Variants in TMX3 observed in about 807,000 individuals in gnomAD.
TMX3 encodes protein disulfide-isomerase TMX3.
In TMX3, 40 loss-of-function variants were observed where a neutral mutation model predicts 64.4. The observed-to-expected ratio is 0.62, with a 90% CI of 0.48 to 0.81. The LOEUF is 0.81. Ranked by LOEUF, TMX3 falls within the 30% of genes least tolerant of loss-of-function variation. TMX3 has a pLI of 0.00. For missense variants in TMX3, 497 were observed against 534.5 expected, an observed-to-expected ratio of 0.93 and a Z score of 0.69; for synonymous variants, 189 against 175.7, an observed-to-expected ratio of 1.08 and a Z score of -0.60.
At position 68,714,964 on chromosome 18, in the gene TMX3, A is replaced by C. The variant is rs199638611; in HGVS notation, c.18T>G (p.Ser6Arg). MAAWK[S>R]WTALRLCATV... ...TGGCGCAGAGCCGCAGGGCCGTCCA[A>C]CTCTTCCACGCTGCCATGCTAGCCC... is the stretch of plus-strand genomic sequence containing the variant. Residue 6 changes from serine (S) to arginine (R), a missense_variant, in exon 1 of 16, where the codon AGT (serine) becomes AGG (arginine). This residue lies in a region of TMX3 where 360 missense variants were observed against 383.5 expected (regional missense o/e 0.94). Coordinates refer to ENST00000299608, the MANE Select transcript of TMX3 (RefSeq NM_019022.5). The C allele has an allele frequency of 4.6e-5, 72 of 1,574,130 alleles. No homozygotes were observed. In the African/African-American group the frequency reaches 8.8e-4, roughly 19 times the overall value.
chr18:68,696,467 C>G (rs1224341359), intron 8 of TMX3, among the ~76,000 whole-genome samples: 1 of 147,792 alleles, frequency 6.8e-6, no homozygotes, highest in Non-Finnish European at 1.5e-5. Context: ...CCACTGGGCC[C>G]GGCCTTAATT....
rs554182741 is a variant in TMX3 at position 68,687,800 on chromosome 18, T to C, written c.638-35A>G. 8 of 1,517,574 alleles carry C rather than the reference T, an allele frequency of 5.3e-6. No individual in the cohort carries two copies. The African/African-American group carries it at 8.4e-5, about 16-fold the overall frequency. The allele number at this position is 1,517,574 out of a possible 1,614,324, so 94.0% of individuals were successfully genotyped here. A position where few individuals can be genotyped will look rare whatever the true frequency, so the allele number is the denominator to read the frequency against. On this transcript the variant is annotated intron_variant, in intron 9 of 15. Transcript: ENST00000299608. Reference sequence around the variant, plus strand: ...AAGACAAAGTTGACAAATTACAGTATAAATATGAATTTAAGAGTTATAATA... The same window carrying C: ...AAGACAAAGTTGACAAATTACAGTACAAATATGAATTTAAGAGTTATAATA...
chr18:68,712,299 G>A (rs560934073), intron 2 of TMX3, among the ~76,000 whole-genome samples: 3 of 152,150 alleles, frequency 2.0e-5, no homozygotes, highest in Non-Finnish European at 4.4e-5. Flanking sequence ...TGGCCCACTG[G>A]CTTTATGAAC....
In TMX3 at chr18:68,698,019, C is replaced by G. The variant is rs1182412972; in HGVS notation, c.405G>C (p.Arg135=). Residue 135 remains arginine, a synonymous_variant, in exon 7 of 16, where the codon CGG becomes CGC. Coordinates refer to ENST00000299608, the MANE Select transcript of TMX3 (RefSeq NM_019022.5). ...FAHRVSGALI[R]PLPSQQMFEH... ...CAAACATTTGTTGACTTGGAAGTGG[C>G]CGAATTAGAGCCCTGTTGCACAACA... 1 of 1,609,996 alleles carries G rather than the reference C, an allele frequency of 6.2e-7. No individual in the cohort carries two copies. The highest frequency in any genetic ancestry group is 8.5e-7 in the Non-Finnish European group (1 of 1,178,954).
Position 68,713,857 on chromosome 18 carries a change from ATCT to A in TMX3, c.87_89del (p.Glu29del), listed in dbSNP as rs2031586601. The A allele has an allele frequency of 2.6e-6, 4 of 1,560,078 alleles. No individual in the cohort carries two copies. The highest frequency in any genetic ancestry group is 1.7e-4 in the Middle Eastern group (1 of 5,874). ...ATATGTATACTCACGATTCATCTAAATCTTCTACAAATCCTTTACAGACGACCA... is the reference window on the plus strand; with the variant it reads ...ATATGTATACTCACGATTCATCTAAATCTACAAATCCTTTACAGACGACCA... On this transcript the variant is annotated inframe_deletion, in exon 2 of 16. Transcript: ENST00000299608.
intron 14 of TMX3, among the ~76,000 whole-genome samples, chr18:68,680,505 T>C (rs1290609093): frequency 6.6e-6 from 1 of 152,190 alleles, no homozygotes; most frequent in African/African-American, 2.4e-5. Flanking sequence ...CACGGGGGCT[T>C]TTACTCTCAA....
intron 2 of TMX3, among the ~76,000 whole-genome samples, chr18:68,711,787 G>T (rs1460510114): frequency 2.6e-5 from 4 of 152,106 alleles, no homozygotes; most frequent in Non-Finnish European, 5.9e-5. Flanking sequence ...TTGGCATCTG[G>T]GAACTTGGAT....
intron 2 of TMX3, among the ~76,000 whole-genome samples, chr18:68,712,339 C>G (rs1252961540): frequency 2.0e-5 from 3 of 152,098 alleles, no homozygotes; most frequent in Non-Finnish European, 2.9e-5. Flanking sequence ...TTAGCCTTGA[C>G]CGGGGTCTGA....
rs1461680576 is a variant in TMX3 at position 68,700,467 on chromosome 18, T to C, written c.330A>G (p.Ala110=). ...TTGTTCGTGGTCCTCTATAATTATA[T>C]GCCAAGTCCCCTTTTAATCTTTAAA... The part of the protein sequence containing the change: ...PTIKLLKGDL[A]YNYRGPRTKD... Residue 110 remains alanine (A), a synonymous_variant, in exon 6 of 16, where the codon GCA becomes GCG. Transcript: ENST00000299608. The C allele has an allele frequency of 1.3e-6, 2 of 1,564,638 alleles. No homozygotes were observed. Among genetic ancestry groups the C allele is most frequent in the Non-Finnish European group, 8.6e-7 (1 of 1,157,830 alleles).
At position 68,676,994 on chromosome 18, in the gene TMX3, C is replaced by T. The variant is rs1377993686; in HGVS notation, c.1304G>A (p.Gly435Glu). Residue 435 changes from glycine to glutamate, a missense_variant, in exon 16 of 16, where the codon GGA becomes GAA. Gly to Glu is a moderately conservative substitution (Grantham distance 98). Coordinates refer to ENST00000299608, the MANE Select transcript of TMX3 (RefSeq NM_019022.5). ...CTGCACTGTAGGCACTACAGATCCT[C>T]CACTGCTGGGCTCCTGCTGTTCTTT... The part of the protein sequence containing the change: ...ESKEQQEPSS[G>E]GSVVPTVQEP... 1 of 1,613,830 alleles carries T rather than the reference C, an allele frequency of 6.2e-7. No homozygotes were observed. Among genetic ancestry groups the T allele is most frequent in the South Asian group, 1.1e-5 (1 of 91,066 alleles).
At position 68,676,977 on chromosome 18, in the gene TMX3, T is replaced by C; in HGVS notation, c.1321A>G (p.Thr441Ala). ...AATACATCCTTGGGCTCCTGCACTG[T>C]AGGCACTACAGATCCTCCACTGCTG... Reference protein sequence around the residue: ...EPSSGGSVVPTVQEPKDVLEK... With the variant: ...EPSSGGSVVPAVQEPKDVLEK... Residue 441 changes from threonine (T) to alanine (A), a missense_variant, in exon 16 of 16, where the codon ACA becomes GCA. Coordinates refer to ENST00000299608, the MANE Select transcript of TMX3 (RefSeq NM_019022.5). 6.2e-7 allele frequency: 1 copy of C among 1,613,846 alleles called. No individual in the cohort carries two copies. Among genetic ancestry groups the C allele is most frequent in the South Asian group, 1.1e-5 (1 of 91,068 alleles).
intron 4 of TMX3, among the ~76,000 whole-genome samples, chr18:68,704,095 G>A (rs768814216): frequency 9.2e-5 from 14 of 151,956 alleles, no homozygotes; most frequent in Admixed American, 1.3e-4. Flanking sequence ...TACTCATCTC[G>A]TAGGGCTACA....
chr18:68,704,705 A>G (rs534624107), intron 4 of TMX3, among the ~76,000 whole-genome samples: 270 of 152,336 alleles, frequency 1.8e-3, no homozygotes, highest in Non-Finnish European at 3.1e-3. Flanking sequence ...ATTTGCAACA[A>G]GAGTTATAGC....
intron 4 of TMX3, among the ~76,000 whole-genome samples, chr18:68,708,272 G>A (rs554483050): frequency 6.6e-6 from 1 of 152,110 alleles, no homozygotes; most frequent in East Asian, 1.9e-4. Flanking sequence ...TCATTTGGGT[G>A]ACTCAATAAT....
rs909958883 is a variant in TMX3 at position 68,675,747 on chromosome 18, AAG to A, written c.*1184_*1185del. ...CATACCAAACTGTTACTTTAAAAAA[AAG>A]AGTTTTTAGACATTGCTTTGGAAAG... On this transcript the variant is annotated 3_prime_UTR_variant, in exon 16 of 16. Coordinates refer to ENST00000299608, the MANE Select transcript of TMX3 (RefSeq NM_019022.5). 1.1e-4 allele frequency: 17 copies of A among 152,316 alleles called. No homozygotes were observed. Among genetic ancestry groups the A allele is most frequent in the African/African-American group, 3.1e-4 (13 of 41,584 alleles). The allele number at this position is 152,316 out of a possible 1,614,324, so 9.4% of individuals were successfully genotyped here. A position where few individuals can be genotyped will look rare whatever the true frequency, so the allele number is the denominator to read the frequency against.
chr18:68,681,663 T>G (rs1913448515), intron 13 of TMX3: 24 of 983,862 alleles, frequency 2.4e-5, no homozygotes, highest in Non-Finnish European at 2.9e-5. Context: ...TCAGTGTTCT[T>G]ACTTAGAAAA....
In TMX3 at chr18:68,684,411, A is replaced by G. The variant is rs768132458; in HGVS notation, c.794+17T>C. ...AAATGAACATTTGAAGCTTAAAACTATATCAAGGCATTATACCTGGTATGT... is the reference window on the plus strand; with the variant it reads ...AAATGAACATTTGAAGCTTAAAACTGTATCAAGGCATTATACCTGGTATGT... On this transcript the variant is annotated intron_variant, in intron 11 of 15. Coordinates refer to ENST00000299608, the MANE Select transcript of TMX3 (RefSeq NM_019022.5). 4.4e-6 allele frequency: 7 copies of G among 1,608,220 alleles called. No homozygotes were observed. The highest frequency in any genetic ancestry group is 4.5e-5 in the East Asian group (2 of 44,740).
chr18:68,694,699 C>A (rs566418700), intron 8 of TMX3, among the ~76,000 whole-genome samples: 1 of 152,140 alleles, frequency 6.6e-6, no homozygotes, highest in African/African-American at 2.4e-5. Flanking sequence ...TTAATTTCCC[C>A]TCCAAAAGTA....
In TMX3 at chr18:68,714,948, G is replaced by A. The variant is rs1451765732; in HGVS notation, c.34C>T (p.Leu12Phe). Residue 12 changes from leucine (L) to phenylalanine (F), a missense_variant, in exon 1 of 16, where the codon CTC (leucine) becomes TTC (phenylalanine). Leu to Phe is a conservative substitution (Grantham distance 22, BLOSUM62 0). This residue lies in a region of TMX3 where 360 missense variants were observed against 383.5 expected (regional missense o/e 0.94). Transcript: ENST00000299608. ...AAWKSWTALR[L>F]CATVVVLDMV... Reference sequence around the variant, plus strand: ...GAGCCCCCATTACCTGTGGCGCAGAGCCGCAGGGCCGTCCAACTCTTCCAC... The same window carrying A: ...GAGCCCCCATTACCTGTGGCGCAGAACCGCAGGGCCGTCCAACTCTTCCAC... 2 of 1,569,924 alleles carry A rather than the reference G, an allele frequency of 1.3e-6. No homozygotes were observed. Among genetic ancestry groups the A allele is most frequent in the East Asian group, 4.8e-5 (2 of 41,770 alleles).
Sources: gnomAD v4.1 joint callset for allele counts (sites outside exome capture counted in the v4.1 genomes callset) on GRCh38, gnomAD v4.1.1 for gene constraint, gnomAD v4.1.1 regional missense constraint, MANE v1.5 for transcripts, NCBI Gene and HGNC (gene_info 2026-07-23, HGNC 2026-07-21) for gene names.